PRKN: variants seen among roughly 807,000 people sequenced by gnomAD.
The protein encoded by PRKN is E3 ubiquitin-protein ligase parkin.
PRKN carries 56 observed loss-of-function variants against 59.5 expected under a neutral mutation model. The ratio of observed to expected loss-of-function variants is 0.94; its 90% CI spans 0.76 to 1.18. The LOEUF is 1.18. Among genes scored for constraint, PRKN ranks in the 50% most tolerant of loss-of-function variants. PRKN has a pLI of 0.00. For missense variants in PRKN, 657 were observed against 596.4 expected (o/e 1.10, Z -1.06); for synonymous variants, 250 against 222.1 (o/e 1.13, Z -1.12).
intron 2 of PRKN, among the ~76,000 whole-genome samples, chr6:162,285,709 T>G (rs528227597): frequency 6.6e-6 from 1 of 152,164 alleles, no homozygotes; most frequent in South Asian, 2.1e-4. Flanking sequence ...GAAATCTGTT[T>G]CCTCCTCTTC....
chr6:161,674,067 G>A (rs1262834695), intron 7 of PRKN, among the ~76,000 whole-genome samples: 2 of 152,066 alleles, frequency 1.3e-5, no homozygotes, highest in Non-Finnish European at 1.5e-5. Flanking sequence ...ATGATGCAAG[G>A]ATAAGACTAC....
intron 1 of PRKN, among the ~76,000 whole-genome samples, chr6:162,590,004 T>C (rs1781236379): frequency 1.3e-5 from 2 of 152,154 alleles, no homozygotes; most frequent in African/African-American, 4.8e-5. Context: ...ATTAAATAAT[T>C]TGTGAATGAG....
At chr6:162,583,184 T>C (rs1378758139) in intron 1 of PRKN, among the ~76,000 whole-genome samples, 3 of 152,214 alleles carry the variant, frequency 2.0e-5, no homozygotes, top group Non-Finnish European at 4.4e-5. Flanking sequence ...CAAAACCTGC[T>C]GGCACCTTGA....
At chr6:161,477,689 T>C (rs9458277) in intron 9 of PRKN, among the ~76,000 whole-genome samples, 22,159 of 152,214 alleles carry the variant, frequency 0.15, 1,860 homozygotes, top group African/African-American at 0.23. Context: ...AGAAATAATT[T>C]TTAGTTTTCT....
chr6:161,367,210 T>C (rs541601962), intron 10 of PRKN, among the ~76,000 whole-genome samples: 1 of 152,062 alleles, frequency 6.6e-6, no homozygotes, highest in South Asian at 2.1e-4. Flanking sequence ...CTCGATCTCC[T>C]GACCTTGTGA....
chr6:161,793,106 C>T (rs111303444), intron 6 of PRKN, among the ~76,000 whole-genome samples: 6 of 152,304 alleles, frequency 3.9e-5, no homozygotes, highest in African/African-American at 1.4e-4. Flanking sequence ...GTGAGCAACC[C>T]CCCTCACTGG....
rs146474010 is a variant in PRKN, at chr6:162,105,158, G to A, written c.535-50984C>T. Among the ~76,000 whole-genome samples the A allele has an allele frequency of 1.4e-3, 207 of 152,218 alleles. 1 individual carries two copies. The highest frequency in any genetic ancestry group is 4.7e-3 in the African/African-American group (195 of 41,522). On this transcript the variant is annotated intron_variant, in intron 4 of 11. Coordinates refer to ENST00000366898, the MANE Select transcript of PRKN (RefSeq NM_004562.3). ...CTTGACATATTTTATGGCTCTAAACGGGGATAGAAAATCTGAGAGGTTTTA... is the reference window on the plus strand; with the variant it reads ...CTTGACATATTTTATGGCTCTAAACAGGGATAGAAAATCTGAGAGGTTTTA...
intron 2 of PRKN, among the ~76,000 whole-genome samples, chr6:162,317,052 G>A (rs894137800): frequency 6.6e-6 from 1 of 151,584 alleles, no homozygotes; most frequent in Admixed American, 6.6e-5. Flanking sequence ...GGGAGAGTAG[G>A]CTTATTCACA....
At chr6:161,884,221 CAT>C (rs1238686256) in intron 6 of PRKN, among the ~76,000 whole-genome samples, 2 of 152,066 alleles carry the variant, frequency 1.3e-5, no homozygotes, top group Non-Finnish European at 2.9e-5. Context: ...AGAAACAGCT[CAT>C]GTTTTTATGT....
chr6:162,569,414 A>G (rs10945847), intron 1 of PRKN: 371,825 of 674,716 alleles, frequency 0.55, 104,536 homozygotes, highest in East Asian at 0.76. Flanking sequence ...GCTGAAGAAC[A>G]TGAAGCTGGC....
intron 4 of PRKN, among the ~76,000 whole-genome samples, chr6:162,166,301 C>A (rs1392809908): frequency 6.6e-6 from 1 of 152,016 alleles, no homozygotes; most frequent in Non-Finnish European, 1.5e-5. Context: ...AGAGTAGAGA[C>A]CACATGACTC....
In PRKN at chr6:161,454,823, T is replaced by C. The variant is rs777012722; in HGVS notation, c.1084-67946A>G. Among the ~76,000 whole-genome samples, 1 of 152,136 alleles carries C rather than the reference T, an allele frequency of 6.6e-6. No homozygotes were observed. Among genetic ancestry groups the C allele is most frequent in the Non-Finnish European group, 1.5e-5 (1 of 68,022 alleles). ...CTTCATCTAGGTCACTGCTGAGACA[T>C]CACCTCTCCAGTAAAACCATCTAGC... On this transcript the variant is annotated intron_variant, in intron 9 of 11. Transcript: ENST00000366898. This position sits in a 1 kb window ranked among gnomAD's most constrained non-coding sequence, Gnocchi z 4.6.
chr6:162,616,532 AC>A (rs561444869), intron 1 of PRKN, among the ~76,000 whole-genome samples: 9 of 151,942 alleles, frequency 5.9e-5, no homozygotes, highest in East Asian at 1.9e-4. Flanking sequence ...ATACAATGAT[AC>A]CCCCCCGTAA....
chr6:161,838,559 G>T (rs1375076687), intron 6 of PRKN, among the ~76,000 whole-genome samples: 2 of 152,174 alleles, frequency 1.3e-5, no homozygotes, highest in Non-Finnish European at 2.9e-5. Context: ...AAGTGTTCAG[G>T]CCTCAGCCTG....
chr6:161,483,174 CAAA>C lies in PRKN; in HGVS notation c.1083+65677_1083+65679del, dbSNP rs3032884. ...CTCGTGACAACTAACAATTGTGTTTCAAAAAAAAAAAAAAAAACATGCATTGTT... is the reference window on the plus strand; with the variant it reads ...CTCGTGACAACTAACAATTGTGTTTCAAAAAAAAAAAAAACATGCATTGTT... On this transcript the variant is annotated intron_variant, in intron 9 of 11. Coordinates refer to ENST00000366898, the MANE Select transcript of PRKN (RefSeq NM_004562.3). The surrounding 1 kb of genome is among the most constrained non-coding windows in gnomAD (Gnocchi z 5.0). Among the ~76,000 whole-genome samples the C allele has an allele frequency of 6.1e-3, 778 of 128,324 alleles. 8 individuals carry two copies. Among genetic ancestry groups the C allele is most frequent in the East Asian group, 0.03 (133 of 4,464 alleles). The allele number at this position is 128,324 out of a possible 152,430, so 84.2% of individuals were successfully genotyped here.
rs1338609740 is a variant in PRKN, at chr6:161,371,283, G to T, written c.1168-11078C>A. ...GGGTTCAAATGATTCTGCTGCCTCG[G>T]CCTCTCAAGTAGCTGGGGTTACAGG... is the stretch of plus-strand genomic sequence containing the variant. On this transcript the variant is annotated intron_variant, in intron 10 of 11. Coordinates refer to ENST00000366898, the MANE Select transcript of PRKN (RefSeq NM_004562.3). The surrounding 1 kb of genome is among the most constrained non-coding windows in gnomAD (Gnocchi z 5.5). Among the ~76,000 whole-genome samples, 1 of 151,742 alleles carries T rather than the reference G, an allele frequency of 6.6e-6. No homozygotes were observed. Among genetic ancestry groups the T allele is most frequent in the Non-Finnish European group, 1.5e-5 (1 of 67,962 alleles).
chr6:161,627,578 G>T (rs576484413), intron 7 of PRKN, among the ~76,000 whole-genome samples: 1 of 152,216 alleles, frequency 6.6e-6, no homozygotes, highest in African/African-American at 2.4e-5. Context: ...TATTTGTGGC[G>T]GAGAGTTCTA....
rs1470467282 is a variant in PRKN, at chr6:162,468,264, G to GA, written c.8-24792dup. On this transcript the variant is annotated intron_variant, in intron 1 of 11. Coordinates refer to ENST00000366898, the MANE Select transcript of PRKN (RefSeq NM_004562.3). ...CTCACTAATTAGAATGCCTGGCACA[G>GA]AAGAGACATGCTACAAATGTTGAAG... 1.5e-4 allele frequency among the ~76,000 whole-genome samples: 23 copies of GA among 152,314 alleles called. No homozygotes were observed. In the East Asian group the frequency reaches 4.2e-3, roughly 28 times the overall value.
chr6:161,522,764 T>C (rs1778881541), intron 9 of PRKN, among the ~76,000 whole-genome samples: 1 of 152,260 alleles, frequency 6.6e-6, no homozygotes, highest in African/African-American at 2.4e-5. Context: ...TTTCAATTCA[T>C]GTGTCTTTCC....
Sources: gnomAD v4.1 joint callset for allele counts (sites outside exome capture counted in the v4.1 genomes callset) on GRCh38, gnomAD v4.1.1 for gene constraint, Gnocchi (gnomAD v3.1) non-coding constraint, MANE v1.5 for transcripts, NCBI Gene and HGNC (gene_info 2026-07-23, HGNC 2026-07-21) for gene names.